RBPJ: variants seen among roughly 807,000 people sequenced by gnomAD.
RBPJ encodes recombining binding protein suppressor of hairless.
RBPJ carries 9 observed loss-of-function variants against 67.8 expected under a neutral mutation model. The ratio of observed to expected loss-of-function variants is 0.13; its 90% CI spans 0.08 to 0.23. The LOEUF is 0.23. Ranked by LOEUF, RBPJ falls within the 10% of genes least tolerant of loss-of-function variation. The pLI is 1.00. For synonymous variants in RBPJ, 198 were observed against 203.3 expected (o/e 0.97, Z 0.22); for missense variants, 305 against 595.6 (o/e 0.51, Z 5.08).
At chr4:26,281,999 A>G (rs1393821175) in intron 1 of RBPJ, among the ~76,000 whole-genome samples, 1 of 152,230 alleles carries the variant, frequency 6.6e-6, no homozygotes, top group Non-Finnish European at 1.5e-5. Context: ...GACCAGGGGC[A>G]ACTTCCCCTG....
At chr4:26,279,473 T>C (rs1721188915) in intron 1 of RBPJ, among the ~76,000 whole-genome samples, 1 of 152,046 alleles carries the variant, frequency 6.6e-6, no homozygotes, top group African/African-American at 2.4e-5. Context: ...AGACGGGCTT[T>C]CATCATGTTG....
intron 1 of RBPJ, among the ~76,000 whole-genome samples, chr4:26,365,771 A>G (rs1287567231): frequency 1.3e-5 from 2 of 152,212 alleles, no homozygotes; most frequent in African/African-American, 4.8e-5. Context: ...ATTACTTTCA[A>G]GGGTCCTCCT....
At chr4:26,212,206 T>C (rs1313195908) in intron 1 of RBPJ, among the ~76,000 whole-genome samples, 1 of 152,098 alleles carries the variant, frequency 6.6e-6, no homozygotes, top group Admixed American at 6.6e-5. Flanking sequence ...ATATGACCGA[T>C]GGAAAAAGTG....
intron 1 of RBPJ, among the ~76,000 whole-genome samples, chr4:26,217,835 G>A (rs1378268123): frequency 1.3e-5 from 2 of 152,182 alleles, no homozygotes; most frequent in African/African-American, 4.8e-5. Flanking sequence ...TCAGACCTGG[G>A]TTTGGACAGT....
intron 1 of RBPJ, among the ~76,000 whole-genome samples, chr4:26,378,510 A>C (rs1011438723): frequency 7.9e-5 from 12 of 152,088 alleles, no homozygotes; most frequent in Non-Finnish European, 7.4e-5. Context: ...CCAGGTATGG[A>C]TATTTGGAAA....
upstream of RBPJ, among the ~76,000 whole-genome samples, chr4:26,161,713 G>A (rs1223525688): frequency 1.3e-5 from 2 of 152,202 alleles, no homozygotes; most frequent in East Asian, 3.8e-4. Context: ...ACCAACAAAG[G>A]AGGAGGCCTG....
chr4:26,414,774 C>T (rs889858089), intron 3 of RBPJ, among the ~76,000 whole-genome samples: 1 of 152,130 alleles, frequency 6.6e-6, no homozygotes, highest in Non-Finnish European at 1.5e-5. Flanking sequence ...TTTTTGACAA[C>T]TAGCAAAACA....
chr4:26,157,201 G>A, the RBPJ span, among the ~76,000 whole-genome samples: 4 of 151,640 alleles, frequency 2.6e-5, no homozygotes, highest in Non-Finnish European at 4.4e-5. Flanking sequence ...AAGCCAAGAC[G>A]GGAGGATTGC....
intron 2 of RBPJ, among the ~76,000 whole-genome samples, chr4:26,389,526 T>A (rs1731279191): frequency 6.8e-6 from 1 of 147,914 alleles, no homozygotes; most frequent in Non-Finnish European, 1.5e-5. Context: ...CAAATAGGCC[T>A]TAGCTACAGT....
rs115434585 is a variant in RBPJ, at chr4:26,270,069, G to A, written c.-166-92377G>A. Among the ~76,000 whole-genome samples, 1,253 of 151,602 alleles carry A rather than the reference G, an allele frequency of 8.3e-3. 20 individuals carry two copies. The highest frequency in any genetic ancestry group is 0.029 in the African/African-American group (1,193 of 41,300). ...GGCTGAGGCAGGCGGATCACCTGAG[G>A]TAAGGAGTTCAAGACCAGTCCGGGC... On this transcript the variant is annotated intron_variant, in intron 1 of 4. Coordinates refer to the RBPJ transcript ENST00000512351.
chr4:26,411,845 C>T (rs1332901778), intron 3 of RBPJ, among the ~76,000 whole-genome samples: 1 of 151,644 alleles, frequency 6.6e-6, no homozygotes, highest in Non-Finnish European at 1.5e-5. Context: ...CGGTGGCTCA[C>T]GCCTGTAATC....
chr4:26,230,054 G>A (rs1719222736), intron 1 of RBPJ, among the ~76,000 whole-genome samples: 1 of 152,060 alleles, frequency 6.6e-6, no homozygotes, highest in Admixed American at 6.6e-5. Context: ...GTTGAGCATG[G>A]TGGCGTGCAC....
intron 1 of RBPJ, among the ~76,000 whole-genome samples, chr4:26,239,283 C>G (rs907854912): frequency 3.9e-5 from 6 of 152,158 alleles, no homozygotes; most frequent in Non-Finnish European, 7.3e-5. Flanking sequence ...AGTCTGTATC[C>G]GCTGCCTGGA....
chr4:26,229,848 A>C (rs564928640), intron 1 of RBPJ, among the ~76,000 whole-genome samples: 1 of 152,336 alleles, frequency 6.6e-6, no homozygotes, highest in African/African-American at 2.4e-5. Flanking sequence ...TATAGAGGCC[A>C]CATGTTTGAC....
chr4:26,423,528 T>C (rs192440142), intron 5 of RBPJ, among the ~76,000 whole-genome samples: 8 of 152,330 alleles, frequency 5.3e-5, no homozygotes, highest in Admixed American at 4.6e-4. Flanking sequence ...CTTTGGTTCT[T>C]GTTTTCTTTC....
At chr4:26,243,255 A>G (rs1459543676) in intron 1 of RBPJ, among the ~76,000 whole-genome samples, 2 of 152,194 alleles carry the variant, frequency 1.3e-5, no homozygotes, top group African/African-American at 2.4e-5. Context: ...GATAAAAAGT[A>G]AAAGAACACT....
chr4:26,153,017 G>A, the RBPJ span, among the ~76,000 whole-genome samples: 1 of 152,122 alleles, frequency 6.6e-6, no homozygotes. Context: ...CCATGCGGAT[G>A]GCACCCAAGT....
At chr4:26,116,594 C>T in the RBPJ span, among the ~76,000 whole-genome samples, 1 of 152,240 alleles carries the variant, frequency 6.6e-6, no homozygotes, top group Non-Finnish European at 1.5e-5. Context: ...TTTTCCTCTG[C>T]AGCCCTGGAT....
At chr4:26,289,163 G>A (rs113470560) in intron 1 of RBPJ, among the ~76,000 whole-genome samples, 1,696 of 150,350 alleles carry the variant, frequency 0.011, 96 homozygotes, top group African/African-American at 0.039. Flanking sequence ...TTGGGAGGCC[G>A]AGGTGGACAG....
Sources: allele counts gnomAD v4.1 joint callset (sites outside exome capture counted in the v4.1 genomes callset), GRCh38; gene constraint gnomAD v4.1.1; transcripts MANE v1.5; gene names NCBI Gene and HGNC (gene_info 2026-07-23, HGNC 2026-07-21).